The following AP5M1 variants were observed in gnomAD, a reference collection of about 807,000 sequenced individuals.
AP5M1 encodes AP-5 complex subunit mu-1.
AP5M1 carries 44 observed loss-of-function variants against 52.3 expected under a neutral mutation model. The ratio of observed to expected loss-of-function variants is 0.84; its 90% CI spans 0.66 to 1.08. The LOEUF (loss-of-function observed/expected upper bound fraction) is 1.08. Among genes scored for constraint, AP5M1 ranks in the 50% least tolerant of loss-of-function variants. AP5M1 has a pLI of 0.00. For synonymous variants in AP5M1, 213 were observed against 199.0 expected, an observed-to-expected ratio of 1.07 and a Z score of -0.59; for missense variants, 526 against 568.4, an observed-to-expected ratio of 0.93 and a Z score of 0.76.
In AP5M1 at chr14:57,293,633, G is replaced by A. The variant is rs1165398004; in HGVS notation, c.*4749G>A. The A allele has an allele frequency of 6.6e-6, 1 of 151,730 alleles. No individual in the cohort carries two copies. Among genetic ancestry groups the A allele is most frequent in the Non-Finnish European group, 1.5e-5 (1 of 67,782 alleles). The allele number at this position is 151,730 out of a possible 1,614,324, so 9.4% of individuals were successfully genotyped here. On this transcript the variant is annotated 3_prime_UTR_variant, in exon 8 of 8. Coordinates refer to ENST00000261558, the MANE Select transcript of AP5M1 (RefSeq NM_018229.4). ...CCATGGCTATGTTGCTAAGAAACTA[G>A]TGTTTTTAATCATTACACTCCGTGC... is the stretch of plus-strand genomic sequence containing the variant.
At chr14:57,271,766 C>A (rs1002881077) in intron 1 of AP5M1, among the ~76,000 whole-genome samples, 2 of 152,296 alleles carry the variant, frequency 1.3e-5, no homozygotes, top group African/African-American at 4.8e-5. Context: ...ACATTGTCTT[C>A]TCTTTATAAT....
rs1376657573 is a variant in AP5M1 at position 57,294,424 on chromosome 14, G to C, written c.*5540G>C. 3 of 151,642 alleles carry C rather than the reference G, an allele frequency of 2.0e-5. No individual in the cohort carries two copies. The highest frequency in any genetic ancestry group is 1.3e-4 in the Admixed American group (2 of 15,180). 9.4% of individuals were successfully genotyped at this position (151,642 alleles called of 1,614,324 possible). A position where few individuals can be genotyped will look rare whatever the true frequency, so the allele number is the denominator to read the frequency against. The stretch of plus-strand genomic sequence containing the variant: ...TTTACTTTTTCCTTCAAAGGACTTG[G>C]GTGCCCTCTGCAGGTTATAAAGAGA... On this transcript the variant is annotated 3_prime_UTR_variant, in exon 8 of 8. Transcript: ENST00000261558.
Position 57,292,166 on chromosome 14 carries a change from T to C in AP5M1, c.*3282T>C, listed in dbSNP as rs1004440920. On this transcript the variant is annotated 3_prime_UTR_variant, in exon 8 of 8. Coordinates refer to ENST00000261558, the MANE Select transcript of AP5M1 (RefSeq NM_018229.4). ...GGAAAAGGAGGCAAAAAGCTAAACA[T>C]GGGATGAATTCTGAACCTTTTAACC... 2.6e-5 allele frequency: 4 copies of C among 151,888 alleles called. No homozygotes were observed. Among genetic ancestry groups the C allele is most frequent in the Non-Finnish European group, 5.9e-5 (4 of 67,848 alleles). The allele number at this position is 151,888 out of a possible 1,614,324, so 9.4% of individuals were successfully genotyped here. A position where few individuals can be genotyped will look rare whatever the true frequency, so the allele number is the denominator to read the frequency against.
At chr14:57,283,056 A>C (rs759383037) in intron 5 of AP5M1, 37 bp downstream of exon 5, 2 of 1,566,060 alleles carry the variant, frequency 1.3e-6, no homozygotes, top group Non-Finnish European at 1.7e-6. Context: ...TTTTCTTTTC[A>C]TTTACTGTAG....
intron 1 of AP5M1, chr14:57,271,325 A>G (rs1051506092): frequency 6.6e-6 from 1 of 152,276 alleles, no homozygotes; most frequent in Non-Finnish European, 1.5e-5. Flanking sequence ...TCTGCTCCAC[A>G]GAATGCTTTC....
At chr14:57,287,033 T>C (rs1191298317) in intron 7 of AP5M1, among the ~76,000 whole-genome samples, 1 of 150,870 alleles carries the variant, frequency 6.6e-6, no homozygotes, top group African/African-American at 2.4e-5. Flanking sequence ...ACACGAAACA[T>C]ATGAAAATAT....
Position 57,274,605 on chromosome 14 carries a change from C to G in AP5M1, c.436C>G (p.Gln146Glu). 1 of 1,613,908 alleles carries G rather than the reference C, an allele frequency of 6.2e-7. No homozygotes were observed. Among genetic ancestry groups the G allele is most frequent in the Non-Finnish European group, 8.5e-7 (1 of 1,179,952 alleles). ...FGIQDFLYSG[Q>E]KNDSELNTKL... ...GATACAGGATTTTCTTTATTCAGGT[C>G]AAAAAAATGACTCTGAGCTGAATAC... is the stretch of plus-strand genomic sequence containing the variant. The change falls in exon 2 of 8, where the codon CAA becomes GAA. Residue 146 changes from glutamine (Q) to glutamate (E), a missense_variant. Gln to Glu is a conservative substitution (Grantham distance 29). Coordinates refer to ENST00000261558, the MANE Select transcript of AP5M1 (RefSeq NM_018229.4).
intron 7 of AP5M1, among the ~76,000 whole-genome samples, chr14:57,288,042 T>G (rs1013227481): frequency 1.3e-5 from 2 of 152,088 alleles, no homozygotes; most frequent in Non-Finnish European, 2.9e-5. Flanking sequence ...GTATGCTGTC[T>G]TGCCTCTCAT....
chr14:57,274,176 A>T lies in AP5M1; in HGVS notation c.75-68A>T, dbSNP rs534134096. On this transcript the variant is annotated intron_variant, in intron 1 of 7. Transcript: ENST00000261558. ...TGTTTGCCTTATATTTGAGAGTTTT[A>T]AAAAAATTCTTTCATCTTGATTTTA... is the stretch of plus-strand genomic sequence containing the variant. 138 of 1,485,914 alleles carry T rather than the reference A, an allele frequency of 9.3e-5. 1 individual carries two copies. In the South Asian group the frequency reaches 1.7e-3, roughly 18 times the overall value. 92.0% of individuals were successfully genotyped at this position (1,485,914 alleles called of 1,614,324 possible). A position where few individuals can be genotyped will look rare whatever the true frequency, so the allele number is the denominator to read the frequency against.
At position 57,294,798 on chromosome 14, in the gene AP5M1, A is replaced by G. The variant is rs1863295486; in HGVS notation, c.*5914A>G. On this transcript the variant is annotated 3_prime_UTR_variant, in exon 8 of 8. Transcript: ENST00000261558. The stretch of plus-strand genomic sequence containing the variant: ...TTTCCCATTATGTTTCTAGAATATT[A>G]CACATTTGGAGTAAGCCTTGCTTTT... 6.6e-6 allele frequency: 1 copy of G among 151,910 alleles called. No individual in the cohort carries two copies. The highest frequency in any genetic ancestry group is 6.6e-5 in the Admixed American group (1 of 15,222). 9.4% of individuals were successfully genotyped at this position (151,910 alleles called of 1,614,324 possible).
chr14:57,288,275 AG>A (rs1885355648), intron 7 of AP5M1, among the ~76,000 whole-genome samples: 1 of 151,944 alleles, frequency 6.6e-6, no homozygotes, highest in South Asian at 2.1e-4. Context: ...TAGTTCAAAT[AG>A]GTTGCCATTT....
At chr14:57,274,975 T>C (rs1426344147) in intron 2 of AP5M1, 86 bp downstream of exon 2, 4 of 1,477,316 alleles carry the variant, frequency 2.7e-6, no homozygotes, top group African/African-American at 2.8e-5. Flanking sequence ...TTAAATAACA[T>C]TTTTTATTTT....
At chr14:57,282,250 C>G (rs1425079100) in intron 4 of AP5M1, 22 bp downstream of exon 4, 9 of 1,483,956 alleles carry the variant, frequency 6.1e-6, no homozygotes, top group South Asian at 2.8e-5. Flanking sequence ...ATGCATATTG[C>G]CATAATTTCT....
chr14:57,274,890 GTGAGA>G lies in AP5M1; in HGVS notation c.720+3_720+7del. On this transcript the variant is annotated splice_donor_variant and splice_donor_5th_base_variant and intron_variant, in intron 2 of 7. Transcript: ENST00000261558. LOFTEE classifies it high-confidence loss of function. Reference sequence around the variant, plus strand: ...AGTTGTTGGAACAGTGACTTGCAAGGTGAGATTTTTCTCTGGTACTTGCTTTATCG... The same window carrying G: ...AGTTGTTGGAACAGTGACTTGCAAGGTTTTTCTCTGGTACTTGCTTTATCG... 1 of 1,614,098 alleles carries G rather than the reference GTGAGA, an allele frequency of 6.2e-7. No homozygotes were observed. Among genetic ancestry groups the G allele is most frequent in the Non-Finnish European group, 8.5e-7 (1 of 1,179,990 alleles).
chr14:57,284,809 TGGATGAA>T, intron 6 of AP5M1, among the ~76,000 whole-genome samples: 1 of 152,212 alleles, frequency 6.6e-6, no homozygotes, highest in South Asian at 2.1e-4. Flanking sequence ...ATTTGCTGAA[TGGATGAA>T]TATACCTAAA....
At chr14:57,272,896 T>TTTGC (rs1224152468) in intron 1 of AP5M1, among the ~76,000 whole-genome samples, 20 of 150,862 alleles carry the variant, frequency 1.3e-4, no homozygotes, top group East Asian at 7.7e-4. Flanking sequence ...TGTTTGTTTG[T>TTTGC]TTGCTTGCTT....
At position 57,269,154 on chromosome 14, in the gene AP5M1, C is replaced by G. The variant is rs916764177; in HGVS notation, c.-161C>G. ...TAGAGCGACTCAGAAGCGTTAGTGACTTCACCTAAAAAAGCTAACCTCTCT... is the reference window on the plus strand; with the variant it reads ...TAGAGCGACTCAGAAGCGTTAGTGAGTTCACCTAAAAAAGCTAACCTCTCT... On this transcript the variant is annotated 5_prime_UTR_variant, in exon 1 of 8. Transcript: ENST00000261558. 38 of 647,286 alleles carry G rather than the reference C, an allele frequency of 5.9e-5. No homozygotes were observed. The African/African-American group carries it at 6.9e-4, about 12-fold the overall frequency. 40.1% of individuals were successfully genotyped at this position (647,286 alleles called of 1,614,324 possible).
chr14:57,274,697 C>G lies in AP5M1; in HGVS notation c.528C>G (p.Asn176Lys), dbSNP rs114954433. The G allele has an allele frequency of 6.8e-6, 11 of 1,614,138 alleles. No individual in the cohort carries two copies. The Admixed American group carries it at 1.3e-4, about 20-fold the overall frequency. ...ACPFGTLLDA[N>K]LQNSLDNTNF... Reference sequence around the variant, plus strand: ...CATTTGGTACTTTATTAGATGCCAACTTACAGAATTCATTAGATAATACCA... The same window carrying G: ...CATTTGGTACTTTATTAGATGCCAAGTTACAGAATTCATTAGATAATACCA... Residue 176 changes from asparagine (N) to lysine (K), a missense_variant, in exon 2 of 8, where the codon AAC becomes AAG. By Grantham distance (94) the Asn-to-Lys change is moderately conservative (BLOSUM62 0). Coordinates refer to ENST00000261558, the MANE Select transcript of AP5M1 (RefSeq NM_018229.4).
chr14:57,276,516 A>G (rs1160110548), intron 2 of AP5M1, among the ~76,000 whole-genome samples: 1 of 152,082 alleles, frequency 6.6e-6, no homozygotes, highest in African/African-American at 2.4e-5. Flanking sequence ...CAGAGGCTGC[A>G]GTGAGCCACA....
Sources: allele counts gnomAD v4.1 joint callset (sites outside exome capture counted in the v4.1 genomes callset), GRCh38; gene constraint gnomAD v4.1.1; transcripts MANE v1.5; gene names NCBI Gene and HGNC (gene_info 2026-07-23, HGNC 2026-07-21).